The following MAGI2 variants were observed in gnomAD, a reference collection of about 807,000 sequenced individuals.
MAGI2 encodes membrane-associated guanylate kinase, WW and PDZ domain-containing protein 2.
Under a neutral mutation model 133.3 loss-of-function variants are expected in MAGI2, and 35 were observed. That is an observed-to-expected ratio of 0.26 (90% CI 0.20 to 0.35). MAGI2 has a LOEUF of 0.35. Ranked by LOEUF, MAGI2 falls within the 10% of genes least tolerant of loss-of-function variation. The pLI, the probability that MAGI2 is intolerant of heterozygous loss-of-function variation, is 1.00. For synonymous variants in MAGI2, 729 were observed against 710.6 expected (o/e 1.03, Z -0.41); for missense variants, 1,636 against 1,863.4 (o/e 0.88, Z 2.25).
At chr7:78,890,633 A>T (rs11981296) in intron 2 of MAGI2, among the ~76,000 whole-genome samples, 78,523 of 151,704 alleles carry the variant, frequency 0.52, 21,924 homozygotes, top group South Asian at 0.69. Flanking sequence ...GACTACTGGG[A>T]ACATAACGAA....
chr7:78,890,815 G>A (rs1426467445), intron 2 of MAGI2, among the ~76,000 whole-genome samples: 2 of 152,046 alleles, frequency 1.3e-5, no homozygotes, highest in Non-Finnish European at 2.9e-5. Context: ...ACAATTAAAA[G>A]AACTAGAGAA....
chr7:78,883,350 T>A (rs1449102298), intron 2 of MAGI2, among the ~76,000 whole-genome samples: 2 of 151,798 alleles, frequency 1.3e-5, no homozygotes, highest in African/African-American at 4.9e-5. Context: ...CAAAGAGAAC[T>A]ACAAAACACT....
chr7:79,324,560 C>A lies in MAGI2; in HGVS notation c.301+128460G>T, dbSNP rs1585573403. Among the ~76,000 whole-genome samples the A allele has an allele frequency of 1.1e-4, 3 of 28,522 alleles. 1 individual carries two copies. The highest frequency in any genetic ancestry group is 3.6e-4 in the African/African-American group (3 of 8,402). 18.7% of individuals were successfully genotyped at this position (28,522 alleles called of 152,430 possible). ...ATAACCATATATATACATATATACA[C>A]ATATAACCATATATATACACCATAT... On this transcript the variant is annotated intron_variant, in intron 1 of 21. Transcript: ENST00000354212.
At chr7:78,727,537 C>T (rs528164969) in intron 2 of MAGI2, among the ~76,000 whole-genome samples, 23 of 152,248 alleles carry the variant, frequency 1.5e-4, no homozygotes, top group Admixed American at 5.9e-4. Flanking sequence ...CACAAGTCAT[C>T]GTCTGTAAAA....
At chr7:78,119,240 A>G (rs1365114853) in intron 20 of MAGI2, among the ~76,000 whole-genome samples, 2 of 152,206 alleles carry the variant, frequency 1.3e-5, no homozygotes, top group Non-Finnish European at 2.9e-5. Context: ...GATACATGCC[A>G]TTATACATTT....
At chr7:79,369,604 T>C (rs1396952884) in intron 1 of MAGI2, among the ~76,000 whole-genome samples, 1 of 152,166 alleles carries the variant, frequency 6.6e-6, no homozygotes, top group African/African-American at 2.4e-5. Context: ...AAATCTATTT[T>C]CCCAGGCTTG....
chr7:78,719,536 T>A (rs452398), intron 2 of MAGI2, among the ~76,000 whole-genome samples: 7,747 of 152,316 alleles, frequency 0.051, 340 homozygotes, highest in East Asian at 0.18. Flanking sequence ...AAAAATCATT[T>A]AGTTAGAATT....
In MAGI2 at chr7:78,120,740, G is replaced by A. The variant is rs544046786; in HGVS notation, c.3567+4954C>T. Among the ~76,000 whole-genome samples the A allele has an allele frequency of 1.7e-3, 257 of 151,980 alleles. 1 individual carries two copies. Among genetic ancestry groups the A allele is most frequent in the African/African-American group, 5.8e-3 (241 of 41,452 alleles). ...CTGTGGACCGGGCGCGGTGGCTCAC[G>A]CCTGGAATCCCAGCACTTTGGGAGG... On this transcript the variant is annotated intron_variant, in intron 20 of 21. Transcript: ENST00000354212.
chr7:78,675,096 T>G (rs552491552), intron 2 of MAGI2, among the ~76,000 whole-genome samples: 1 of 152,138 alleles, frequency 6.6e-6, no homozygotes, highest in African/African-American at 2.4e-5. Context: ...AAATGTGATA[T>G]AGTAGTTACA....
intron 2 of MAGI2, among the ~76,000 whole-genome samples, chr7:78,938,793 T>G (rs1183439635): frequency 6.6e-6 from 1 of 152,154 alleles, no homozygotes; most frequent in East Asian, 1.9e-4. Context: ...ATGAGAGATA[T>G]AAAGATGAAT....
At chr7:79,303,110 A>G (rs1250514081) in intron 1 of MAGI2, among the ~76,000 whole-genome samples, 1 of 152,160 alleles carries the variant, frequency 6.6e-6, no homozygotes, top group Non-Finnish European at 1.5e-5. Context: ...ATAATTAAGC[A>G]CCATATACAA....
At chr7:78,357,367 G>A (rs979357046) in intron 7 of MAGI2, among the ~76,000 whole-genome samples, 1 of 151,988 alleles carries the variant, frequency 6.6e-6, no homozygotes, top group Non-Finnish European at 1.5e-5. Flanking sequence ...TTTTTTCTCT[G>A]GGTTGATTAA....
intron 10 of MAGI2, among the ~76,000 whole-genome samples, chr7:78,246,790 A>G (rs1375522223): frequency 3.3e-5 from 5 of 152,152 alleles, no homozygotes; most frequent in Non-Finnish European, 2.9e-5. Flanking sequence ...TTGCAGCTGT[A>G]TCCTGCTCAC....
chr7:79,287,178 C>T (rs1836075339), intron 1 of MAGI2, among the ~76,000 whole-genome samples: 1 of 152,030 alleles, frequency 6.6e-6, no homozygotes, highest in Non-Finnish European at 1.5e-5. Flanking sequence ...CAGACCTCAT[C>T]CCAGACCTAC....
At chr7:78,060,243 G>GA in intron 21 of MAGI2, among the ~76,000 whole-genome samples, 1 of 48,790 alleles carries the variant, frequency 2.0e-5, no homozygotes, top group Non-Finnish European at 4.3e-5. Context: ...AAACAAAAGG[G>GA]ACCCCCCCCC....
intron 2 of MAGI2, among the ~76,000 whole-genome samples, chr7:78,881,454 G>A (rs567781696): frequency 2.2e-4 from 33 of 151,544 alleles, no homozygotes; most frequent in African/African-American, 7.0e-4. Flanking sequence ...GGGAGGGATA[G>A]CATTAGGAGA....
At chr7:79,273,024 T>C (rs1380093678) in intron 1 of MAGI2, among the ~76,000 whole-genome samples, 1 of 152,012 alleles carries the variant, frequency 6.6e-6, no homozygotes, top group Admixed American at 6.6e-5. Context: ...TTTCTGGAGG[T>C]TTTTGTGGTT....
chr7:78,684,404 T>G (rs1476874123), intron 2 of MAGI2, among the ~76,000 whole-genome samples: 4 of 151,918 alleles, frequency 2.6e-5, no homozygotes, highest in Non-Finnish European at 4.4e-5. Flanking sequence ...AAACAGCCAC[T>G]ACTTTGGGTC....
intron 1 of MAGI2, among the ~76,000 whole-genome samples, chr7:79,333,368 C>T (rs1238084076): frequency 2.0e-5 from 3 of 152,066 alleles, no homozygotes; most frequent in African/African-American, 7.2e-5. Context: ...CCTCTTGATC[C>T]GCCTGCTTCA....
Sources: gnomAD v4.1 joint callset for allele counts (sites outside exome capture counted in the v4.1 genomes callset) on GRCh38, gnomAD v4.1.1 for gene constraint, MANE v1.5 for transcripts, NCBI Gene and HGNC (gene_info 2026-07-23, HGNC 2026-07-21) for gene names.